Variants in CLSTN2 observed in about 807,000 individuals in gnomAD.
CLSTN2 encodes calsyntenin 2, also known as calsyntenin-2.
A neutral mutation model predicts 101.2 loss-of-function variants in CLSTN2; 48 were observed. The ratio of observed to expected loss-of-function variants is 0.47; its 90% CI spans 0.38 to 0.60. The LOEUF is 0.60. Ranked by LOEUF, CLSTN2 falls within the 20% of genes least tolerant of loss-of-function variation. The probability of loss-of-function intolerance (pLI) is 0.00; values close to 1 mark genes in which losing one functional copy is unlikely to be tolerated. For synonymous variants in CLSTN2, 481 were observed against 463.6 expected (o/e 1.04, Z -0.48); for missense variants, 1,160 against 1,238.2 (o/e 0.94, Z 0.95).
intron 1 of CLSTN2, among the ~76,000 whole-genome samples, chr3:139,966,687 T>G (rs1171374945): frequency 6.6e-6 from 1 of 152,236 alleles, no homozygotes; most frequent in East Asian, 1.9e-4. Context: ...TTTTTGTGTC[T>G]CCTTCCCTAG....
Position 140,569,516 on chromosome 3 carries a change from T to A in CLSTN2, c.*3263T>A. ...CCCAGTGCAGAATGAGTTGCTTCAG[T>A]GGAGTAAAGCAACCGGCTAGTTGGT... On this transcript the variant is annotated 3_prime_UTR_variant, in exon 17 of 17. Coordinates refer to ENST00000458420, the MANE Select transcript of CLSTN2 (RefSeq NM_022131.3). 1 of 152,216 alleles carries A rather than the reference T, an allele frequency of 6.6e-6. No homozygotes were observed. Among genetic ancestry groups the A allele is most frequent in the Non-Finnish European group, 1.5e-5 (1 of 68,046 alleles). The allele number at this position is 152,216 out of a possible 1,614,324, so 9.4% of individuals were successfully genotyped here. A position where few individuals can be genotyped will look rare whatever the true frequency, so the allele number is the denominator to read the frequency against.
Position 140,176,478 on chromosome 3 carries a change from G to T in CLSTN2, c.232+405G>T, listed in dbSNP as rs994091314. The stretch of plus-strand genomic sequence containing the variant: ...AGCTTGGTACATTGGCAAGAGAAAA[G>T]AGAGAGAAAAAAAGACCAGGAAATA... On this transcript the variant is annotated intron_variant, in intron 2 of 16. Transcript: ENST00000458420. Among the ~76,000 whole-genome samples the T allele has an allele frequency of 2.0e-5, 3 of 152,256 alleles. No homozygotes were observed. In the South Asian group the frequency reaches 6.2e-4, roughly 32 times the overall value.
At chr3:139,958,370 G>T (rs1935447372) in intron 1 of CLSTN2, among the ~76,000 whole-genome samples, 1 of 152,120 alleles carries the variant, frequency 6.6e-6, no homozygotes. Flanking sequence ...AGTTTTGTGT[G>T]CTCATTCATT....
At position 140,547,754 on chromosome 3, in the gene CLSTN2, G is replaced by C. The variant is rs556911183; in HGVS notation, c.1674+1073G>C. ...AGCACTTGTTGGCACCTGCCCATGA[G>C]GTCCTGAATAAAGAGCAGAGCCAAT... On this transcript the variant is annotated intron_variant, in intron 10 of 16. Transcript: ENST00000458420. Among the ~76,000 whole-genome samples the C allele has an allele frequency of 1.6e-3, 241 of 152,190 alleles. 1 individual carries two copies. Among genetic ancestry groups the C allele is most frequent in the African/African-American group, 5.5e-3 (230 of 41,504 alleles).
intron 2 of CLSTN2, among the ~76,000 whole-genome samples, chr3:140,309,242 G>A (rs1232252932): frequency 5.3e-5 from 8 of 152,158 alleles, no homozygotes; most frequent in African/African-American, 1.7e-4. Flanking sequence ...CCTGGCATCC[G>A]AGGGAAGGTT....
In CLSTN2 at chr3:140,562,152, G is replaced by A. The variant is rs766307396; in HGVS notation, c.2056G>A (p.Val686Ile). 2 of 1,614,028 alleles carry A rather than the reference G, an allele frequency of 1.2e-6. No individual in the cohort carries two copies. Among genetic ancestry groups the A allele is most frequent in the Non-Finnish European group, 8.5e-7 (1 of 1,179,952 alleles). ...TCTTCCTACAGACCCCAAATCAGAA[G>A]TCTTAGAGGAAATGCTTCATAACTT... ...DVKTTDPKSE[V>I]LEEMLHNLDF... Residue 686 changes from valine (V) to isoleucine (I), a missense_variant, in exon 13 of 17, where the codon GTC becomes ATC. Transcript: ENST00000458420.
At chr3:140,269,780 G>C (rs1009216870) in intron 2 of CLSTN2, among the ~76,000 whole-genome samples, 3 of 152,168 alleles carry the variant, frequency 2.0e-5, no homozygotes, top group Non-Finnish European at 2.9e-5. Flanking sequence ...TTTTGAAGGA[G>C]TATTGAGAGA....
chr3:140,404,558 G>A lies in CLSTN2; in HGVS notation c.429G>A (p.Lys143=). Residue 143 remains lysine, a splice_region_variant and synonymous_variant, in exon 4 of 17, where the codon AAG becomes AAA. Coordinates refer to ENST00000458420, the MANE Select transcript of CLSTN2 (RefSeq NM_022131.3). The part of the protein sequence containing the change: ...PHETAWKKSH[K]AVVHIQVKDV... ...CCTTCCTTTCTGTGTGTGGTCCCAG[G>A]GCCGTGGTCCATATACAGGTGAAGG... 1 of 1,613,988 alleles carries A rather than the reference G, an allele frequency of 6.2e-7. No homozygotes were observed. The highest frequency in any genetic ancestry group is 1.7e-4 in the Middle Eastern group (1 of 6,056).
chr3:140,419,440 G>C (rs1403916110), intron 4 of CLSTN2, among the ~76,000 whole-genome samples: 1 of 133,592 alleles, frequency 7.5e-6, no homozygotes, highest in Non-Finnish European at 1.5e-5. Flanking sequence ...CCGAGATCAT[G>C]CCACTGAACT....
At chr3:140,477,258 AC>A (rs1934008201) in intron 8 of CLSTN2, among the ~76,000 whole-genome samples, 1 of 152,132 alleles carries the variant, frequency 6.6e-6, no homozygotes, top group Non-Finnish European at 1.5e-5. Context: ...CTTTAATTAT[AC>A]CTCTAAATAA....
chr3:139,960,433 T>TA (rs538659689), intron 1 of CLSTN2, among the ~76,000 whole-genome samples: 19 of 152,234 alleles, frequency 1.2e-4, no homozygotes, highest in South Asian at 6.2e-4. Flanking sequence ...CAGTCCTTAA[T>TA]AAAAAAAGCT....
At chr3:140,336,625 C>T (rs1457808026) in intron 2 of CLSTN2, among the ~76,000 whole-genome samples, 1 of 152,212 alleles carries the variant, frequency 6.6e-6, no homozygotes, top group Non-Finnish European at 1.5e-5. Flanking sequence ...GGAACTTACC[C>T]TCTGCCAAGC....
At chr3:140,483,265 C>A (rs1934164666) in intron 8 of CLSTN2, among the ~76,000 whole-genome samples, 1 of 152,194 alleles carries the variant, frequency 6.6e-6, no homozygotes, top group African/African-American at 2.4e-5. Context: ...GAGTGCGTTT[C>A]TTAATCCTGA....
chr3:140,031,685 T>C (rs2007553216), intron 1 of CLSTN2, among the ~76,000 whole-genome samples: 1 of 152,192 alleles, frequency 6.6e-6, no homozygotes, highest in Admixed American at 6.5e-5. Context: ...AAGGATAGTG[T>C]ATGTGAGTTT....
chr3:140,060,111 T>G (rs1408212502), intron 1 of CLSTN2, among the ~76,000 whole-genome samples: 1 of 152,172 alleles, frequency 6.6e-6, no homozygotes, highest in Non-Finnish European at 1.5e-5. Flanking sequence ...TGTAAATAAC[T>G]CAGCGAGGTT....
chr3:140,497,816 T>A (rs1209931588), intron 8 of CLSTN2, among the ~76,000 whole-genome samples: 1 of 152,200 alleles, frequency 6.6e-6, no homozygotes, highest in East Asian at 1.9e-4. Flanking sequence ...AAGACCCTGA[T>A]GGCATGGACT....
chr3:139,994,825 G>A (rs766214013), intron 1 of CLSTN2, among the ~76,000 whole-genome samples: 19 of 152,208 alleles, frequency 1.2e-4, no homozygotes, highest in Non-Finnish European at 2.5e-4. Flanking sequence ...TAAAGGTGCC[G>A]TAAAAAATTC....
At chr3:139,960,885 T>C (rs538678750) in intron 1 of CLSTN2, among the ~76,000 whole-genome samples, 10 of 152,304 alleles carry the variant, frequency 6.6e-5, no homozygotes, top group East Asian at 3.9e-4. Context: ...GGTTACATCT[T>C]TGAGAAATTA....
chr3:140,339,615 G>A (rs772057921), intron 2 of CLSTN2, among the ~76,000 whole-genome samples: 1 of 152,150 alleles, frequency 6.6e-6, no homozygotes, highest in South Asian at 2.1e-4. Context: ...ACCTGGTGGT[G>A]TGCTACCTCA....
Sources: gnomAD v4.1 joint callset for allele counts (sites outside exome capture counted in the v4.1 genomes callset) on GRCh38, gnomAD v4.1.1 for gene constraint, MANE v1.5 for transcripts, NCBI Gene and HGNC (gene_info 2026-07-23, HGNC 2026-07-21) for gene names.